The following DNAJC11 variants were observed in gnomAD, a reference collection of about 807,000 sequenced individuals.
The protein encoded by DNAJC11 is dnaJ homolog subfamily C member 11.
DNAJC11 carries 15 observed loss-of-function variants against 78.6 expected under a neutral mutation model. The observed-to-expected ratio is 0.19, with a 90% CI of 0.13 to 0.29. DNAJC11 has a LOEUF of 0.29. DNAJC11 is among the 10% of genes least tolerant of loss of function. DNAJC11 has a pLI of 1.00. For synonymous variants in DNAJC11, 292 were observed against 272.1 expected, an observed-to-expected ratio of 1.07 and a Z score of -0.72; for missense variants, 547 against 709.6, an observed-to-expected ratio of 0.77 and a Z score of 2.60.
At chr1:6,655,710 G>A (rs1025336655) in intron 4 of DNAJC11, among the ~76,000 whole-genome samples, 4 of 152,160 alleles carry the variant, frequency 2.6e-5, no homozygotes, top group Non-Finnish European at 5.9e-5. Context: ...TCTAGAGGCT[G>A]AGGCAGGAGA....
At chr1:6,650,766 G>A (rs899545662) in intron 7 of DNAJC11, among the ~76,000 whole-genome samples, 1 of 152,036 alleles carries the variant, frequency 6.6e-6, no homozygotes, top group East Asian at 1.9e-4. Flanking sequence ...CCAGCTACTC[G>A]GAAGGTTGAG....
intron 1 of DNAJC11, among the ~76,000 whole-genome samples, chr1:6,682,922 A>C (rs901226687): frequency 6.6e-6 from 1 of 152,094 alleles, no homozygotes; most frequent in Non-Finnish European, 1.5e-5. Flanking sequence ...GGGAAAAAAA[A>C]CTAGCTAGAC....
chr1:6,686,454 G>A (rs138208098), intron 1 of DNAJC11, among the ~76,000 whole-genome samples: 2 of 152,254 alleles, frequency 1.3e-5, no homozygotes, highest in East Asian at 3.9e-4. Context: ...TCCATCTGAG[G>A]CCAGCTAGTA....
At chr1:6,636,474 G>A (rs1329756439) in intron 14 of DNAJC11, among the ~76,000 whole-genome samples, 1 of 152,152 alleles carries the variant, frequency 6.6e-6, no homozygotes, top group Admixed American at 6.5e-5. Context: ...GACTTCTAGG[G>A]TGCCAGGAAC....
intron 7 of DNAJC11, among the ~76,000 whole-genome samples, chr1:6,646,254 C>G (rs981382243): frequency 6.6e-6 from 1 of 152,188 alleles, no homozygotes; most frequent in Admixed American, 6.5e-5. Flanking sequence ...CCTATGCCAG[C>G]AGATGCAACC....
At chr1:6,692,571 C>T (rs1464934836) in intron 1 of DNAJC11, among the ~76,000 whole-genome samples, 1 of 151,488 alleles carries the variant, frequency 6.6e-6, no homozygotes, top group African/African-American at 2.4e-5. Flanking sequence ...AAAGAACAAA[C>T]TCAGTGTTTT....
chr1:6,651,736 G>C, intron 6 of DNAJC11, 134 bp from the exon 7 acceptor site: 2 of 673,938 alleles, frequency 3.0e-6, no homozygotes, highest in Non-Finnish European at 5.2e-6. Context: ...AAAGAAGGGG[G>C]TGGAAGATTG....
chr1:6,668,689 C>T (rs1642329622), intron 3 of DNAJC11, among the ~76,000 whole-genome samples: 1 of 152,012 alleles, frequency 6.6e-6, no homozygotes, highest in Admixed American at 6.5e-5. Context: ...CCACATCAGC[C>T]TCCCAAAGTG....
intron 10 of DNAJC11, among the ~76,000 whole-genome samples, chr1:6,643,520 C>A (rs1377119515): frequency 1.3e-5 from 2 of 151,942 alleles, no homozygotes; most frequent in Admixed American, 6.5e-5. Flanking sequence ...CGTGATCTGC[C>A]CGCCTTGGCC....
intron 4 of DNAJC11, among the ~76,000 whole-genome samples, chr1:6,663,746 T>G (rs6659873): frequency 0.37 from 55,534 of 151,822 alleles, 10,533 homozygotes; most frequent in African/African-American, 0.44. Context: ...CAAGGGTGGC[T>G]TTTTCCAGCA....
chr1:6,698,447 C>A (rs943607986), intron 1 of DNAJC11, among the ~76,000 whole-genome samples: 4 of 152,190 alleles, frequency 2.6e-5, no homozygotes, highest in African/African-American at 7.2e-5. Context: ...ACCTTCAGAG[C>A]TTCTAATGGA....
intron 1 of DNAJC11, among the ~76,000 whole-genome samples, chr1:6,687,744 G>C (rs555777985): frequency 2.0e-5 from 3 of 152,150 alleles, no homozygotes; most frequent in Non-Finnish European, 2.9e-5. Context: ...TTCACATGTA[G>C]AATATCTTTG....
rs1641744560 is a variant in DNAJC11 at position 6,635,471 on chromosome 1, C to T, written c.*204G>A. The T allele has an allele frequency of 3.5e-6, 2 of 568,880 alleles. No individual in the cohort carries two copies. Among genetic ancestry groups the T allele is most frequent in the Admixed American group, 3.1e-5 (1 of 32,372 alleles). 35.2% of individuals were successfully genotyped at this position (568,880 alleles called of 1,614,324 possible). A position where few individuals can be genotyped will look rare whatever the true frequency, so the allele number is the denominator to read the frequency against. On this transcript the variant is annotated 3_prime_UTR_variant, in exon 16 of 16. Transcript: ENST00000377577. ...ATGGGCCAGGCTGCAGTCTGGTTCCCAGTGGGGCTGCCTCAGTCCTACCCC... is the reference window on the plus strand; with the variant it reads ...ATGGGCCAGGCTGCAGTCTGGTTCCTAGTGGGGCTGCCTCAGTCCTACCCC...
intron 4 of DNAJC11, among the ~76,000 whole-genome samples, chr1:6,666,479 C>G (rs969159866): frequency 6.6e-6 from 1 of 151,472 alleles, no homozygotes; most frequent in African/African-American, 2.4e-5. Flanking sequence ...CTCCACCTCC[C>G]TGGTTCAAGC....
chr1:6,663,873 T>C (rs953753390), intron 4 of DNAJC11, among the ~76,000 whole-genome samples: 3 of 152,166 alleles, frequency 2.0e-5, no homozygotes, highest in Admixed American at 6.5e-5. Context: ...TCCCATTTCA[T>C]GGAGGCAGAA....
At chr1:6,642,146 G>C (rs1468331899) in intron 10 of DNAJC11, among the ~76,000 whole-genome samples, 1 of 152,146 alleles carries the variant, frequency 6.6e-6, no homozygotes, top group Non-Finnish European at 1.5e-5. Flanking sequence ...GGTCAGGATG[G>C]CTGGGGTTGG....
intron 3 of DNAJC11, among the ~76,000 whole-genome samples, chr1:6,670,081 G>A (rs1246754205): frequency 1.3e-5 from 2 of 151,902 alleles, no homozygotes; most frequent in African/African-American, 4.8e-5. Flanking sequence ...AGCCTCCCAA[G>A]TAGCTGGGAC....
chr1:6,658,512 G>A (rs113946705), intron 4 of DNAJC11, among the ~76,000 whole-genome samples: 1 of 152,160 alleles, frequency 6.6e-6, no homozygotes, highest in Non-Finnish European at 1.5e-5. Flanking sequence ...AGAAGAAACA[G>A]CTCCAAGAGC....
intron 6 of DNAJC11, among the ~76,000 whole-genome samples, chr1:6,651,916 A>ACCCCCCC (rs1642059768): frequency 6.7e-6 from 1 of 149,474 alleles, no homozygotes; most frequent in Admixed American, 6.7e-5. Context: ...GGCTCCCCCT[A>ACCCCCCC]CCCCTCCCGG....
Sources: allele counts gnomAD v4.1 joint callset (sites outside exome capture counted in the v4.1 genomes callset), GRCh38; gene constraint gnomAD v4.1.1; transcripts MANE v1.5; gene names NCBI Gene and HGNC (gene_info 2026-07-23, HGNC 2026-07-21).